Variants in MCM3AP observed in about 807,000 individuals in gnomAD.
MCM3AP encodes germinal-center associated nuclear protein.
A neutral mutation model predicts 184.1 loss-of-function variants in MCM3AP; 126 were observed. That is an observed-to-expected ratio of 0.68 (90% CI 0.59 to 0.79). The LOEUF is 0.79. MCM3AP is among the 30% of genes least tolerant of loss of function. MCM3AP has a pLI of 0.00. For synonymous variants in MCM3AP, 1,002 were observed against 979.3 expected (o/e 1.02, Z -0.43); for missense variants, 2,496 against 2,479.2 (o/e 1.01, Z -0.14).
chr21:46,283,207 A>G (rs976769809), intron 2 of MCM3AP, among the ~76,000 whole-genome samples: 3 of 152,196 alleles, frequency 2.0e-5, no homozygotes, highest in Non-Finnish European at 2.9e-5. Context: ...CTACAAGCGT[A>G]AGCCACCACG....
rs760360843 is a variant in MCM3AP at position 46,267,069 on chromosome 21, A to G, written c.2702T>C (p.Leu901Pro). The G allele has an allele frequency of 6.2e-7, 1 of 1,614,034 alleles. No individual in the cohort carries two copies. The highest frequency in any genetic ancestry group is 8.5e-7 in the Non-Finnish European group (1 of 1,179,870). Residue 901 changes from leucine (L) to proline (P), a missense_variant, in exon 10 of 28, where the codon CTG becomes CCG. Transcript: ENST00000291688. ...VSTQRSTIFP[L>P]DGVVRMLLFR... is the part of the protein sequence containing the mutation. ...CAGCAGCATGCGCACCACACCATCC[A>G]GGGGAAAGATGGTAGATCGCTGTGT...
chr21:46,277,931 T>A (rs1246201757), intron 4 of MCM3AP, among the ~76,000 whole-genome samples: 1 of 152,158 alleles, frequency 6.6e-6, no homozygotes, highest in Non-Finnish European at 1.5e-5. Flanking sequence ...TTTTGAAATA[T>A]TTCATACTTT....
chr21:46,251,980 C>T (rs915706207), intron 19 of MCM3AP: 6 of 224,430 alleles, frequency 2.7e-5, no homozygotes, highest in African/African-American at 4.6e-5. Flanking sequence ...GCAAACCTGC[C>T]TCAGTAGCTG....
At chr21:46,255,922 C>T (rs2080942936) in intron 17 of MCM3AP, among the ~76,000 whole-genome samples, 1 of 152,122 alleles carries the variant, frequency 6.6e-6, no homozygotes, top group African/African-American at 2.4e-5. Context: ...GGAGCCAGGC[C>T]CAGCCCTGGC....
intron 24 of MCM3AP, among the ~76,000 whole-genome samples, chr21:46,243,248 G>A (rs1424575407): frequency 6.6e-6 from 1 of 152,120 alleles, no homozygotes; most frequent in Admixed American, 6.5e-5. Flanking sequence ...GCCATCCTAG[G>A]GGGCCTGTTT....
Position 46,251,670 on chromosome 21 carries a change from A to G in MCM3AP, c.4149T>C (p.Asn1383=), listed in dbSNP as rs2080870506. ...SPESCGRILA[N]WLKVKFMGDE... ...CTCCCATGAACTTGACTTTTAACCA[A>G]TTTGCTAGAATTCTACAGATTTAAA... Residue 1383 remains asparagine (N), a synonymous_variant, in exon 20 of 28, where the codon AAT becomes AAC. Transcript: ENST00000291688. 1 of 1,581,016 alleles carries G rather than the reference A, an allele frequency of 6.3e-7. No homozygotes were observed.
intron 19 of MCM3AP, 75 bp downstream of exon 19, chr21:46,254,317 A>T: frequency 1.3e-6 from 2 of 1,546,284 alleles, no homozygotes; most frequent in Non-Finnish European, 1.8e-6. Context: ...TAAGAGGAAT[A>T]CCCGGCCCTG....
At chr21:46,264,248 A>G in intron 12 of MCM3AP, 31 bp from the exon 13 acceptor site, 1 of 1,401,324 alleles carries the variant, frequency 7.1e-7, no homozygotes. Context: ...GGTGTAATGG[A>G]ACGTCCCACC....
intron 9 of MCM3AP, among the ~76,000 whole-genome samples, chr21:46,269,753 C>T (rs116500995): frequency 2.0e-5 from 3 of 152,198 alleles, no homozygotes; most frequent in East Asian, 1.9e-4. Flanking sequence ...GGTGAGGTGG[C>T]GCTCTGTGCG....
chr21:46,270,272 G>A (rs2081163226), intron 9 of MCM3AP, 129 bp downstream of exon 9: 7 of 841,256 alleles, frequency 8.3e-6, no homozygotes, highest in Non-Finnish European at 1.1e-5. Context: ...CCCCTTCGTG[G>A]GGCTGCTGCA....
Position 46,235,304 on chromosome 21 carries a change from G to A in MCM3AP, c.5907C>T (p.Leu1969=). 6.2e-7 allele frequency: 1 copy of A among 1,614,194 alleles called. No homozygotes were observed. Among genetic ancestry groups the A allele is most frequent in the Non-Finnish European group, 8.5e-7 (1 of 1,180,040 alleles). ...CCATGTCTAGCAGCGCAGAGAGATG[G>A]AGCTCAGAGGCAACTTCCTCTTCCC... is the stretch of plus-strand genomic sequence containing the variant. ...SSREEEVASE[L]HLSALLDMVD... is the part of the protein sequence containing the mutation. Residue 1969 remains leucine (L), a synonymous_variant, in exon 28 of 28, where the codon CTC becomes CTT. Transcript: ENST00000291688.
rs1203658699 is a variant in MCM3AP at position 46,280,494 on chromosome 21, C to G, written c.1522+3G>C. 1 of 1,593,822 alleles carries G rather than the reference C, an allele frequency of 6.3e-7. No homozygotes were observed. Among genetic ancestry groups the G allele is most frequent in the Admixed American group, 1.7e-5 (1 of 58,382 alleles). On this transcript the variant is annotated splice_donor_region_variant and intron_variant, in intron 3 of 27. Coordinates refer to ENST00000291688, the MANE Select transcript of MCM3AP (RefSeq NM_003906.5). ...AAAGTGAAAAGAATAATTGAAAACT[C>G]ACTTATTTTCTTCCTGTGCCAAAAG... is the stretch of plus-strand genomic sequence containing the variant.
chr21:46,272,557 T>C lies in MCM3AP; in HGVS notation c.2465+4A>G. ...TAGGACAACTTTTGGATGTGAAAATTCACCTTAGGATGTCTCCCTTGTTGA... is the reference window on the plus strand; with the variant it reads ...TAGGACAACTTTTGGATGTGAAAATCCACCTTAGGATGTCTCCCTTGTTGA... On this transcript the variant is annotated splice_donor_region_variant and intron_variant, in intron 8 of 27. Transcript: ENST00000291688. 6.2e-7 allele frequency: 1 copy of C among 1,610,218 alleles called. No homozygotes were observed. Among genetic ancestry groups the C allele is most frequent in the Non-Finnish European group, 8.5e-7 (1 of 1,177,678 alleles).
chr21:46,261,530 C>T, intron 13 of MCM3AP, 119 bp from the exon 14 acceptor site: 1 of 856,390 alleles, frequency 1.2e-6, no homozygotes, highest in Admixed American at 2.1e-5. Context: ...GTCAGAAGAT[C>T]AAGACCATTC....
chr21:46,260,826 T>C lies in MCM3AP; in HGVS notation c.3548A>G (p.Glu1183Gly). The C allele has an allele frequency of 6.2e-7, 1 of 1,614,046 alleles. No individual in the cohort carries two copies. ...CTGGGAGCAGGTTTCCCTCACAAACTCCATCATCACGCGTTCCATCAGCTC... is the reference window on the plus strand; with the variant it reads ...CTGGGAGCAGGTTTCCCTCACAAACCCCATCATCACGCGTTCCATCAGCTC... ...AVELMERVMM[E>G]FVRETCSQEL... The change falls in exon 15 of 28, where the codon GAG becomes GGG. Residue 1183 changes from glutamate (E) to glycine (G), a missense_variant. Around this residue, in one of 5 missense-constraint regions of MCM3AP, gnomAD observed 1,323 missense variants for 1,273.4 expected, o/e 1.04. Transcript: ENST00000291688.
At chr21:46,238,481 G>A (rs1047080544) in intron 26 of MCM3AP, among the ~76,000 whole-genome samples, 2 of 120,594 alleles carry the variant, frequency 1.7e-5, no homozygotes, top group African/African-American at 6.7e-5. Context: ...GCCAAGGCAG[G>A]TGGATCACCT....
chr21:46,261,053 C>T, intron 14 of MCM3AP, 147 bp from the exon 15 acceptor site: 1 of 817,688 alleles, frequency 1.2e-6, no homozygotes, highest in Non-Finnish European at 2.0e-6. Context: ...CTGACACCAC[C>T]TCCCTTCCCC....
In MCM3AP at chr21:46,265,500, C is replaced by T; in HGVS notation, c.3055G>A (p.Gly1019Ser). Reference protein sequence around the residue: ...TVGGGRGEECGVEPDAPLSSL... With the variant: ...TVGGGRGEECSVEPDAPLSSL... Reference sequence around the variant, plus strand: ...GACAGGGGTGCATCCGGCTCTACACCACACTCCTCTCCTCTCCCTCCGCCT... The same window carrying T: ...GACAGGGGTGCATCCGGCTCTACACTACACTCCTCTCCTCTCCCTCCGCCT... Residue 1019 changes from glycine to serine, a missense_variant, in exon 12 of 28, where the codon GGT becomes AGT. Gly to Ser is a moderately conservative substitution (Grantham distance 56). This residue lies in a region of MCM3AP where 1,323 missense variants were observed against 1,273.4 expected (regional missense o/e 1.04). Coordinates refer to ENST00000291688, the MANE Select transcript of MCM3AP (RefSeq NM_003906.5). 6.2e-7 allele frequency: 1 copy of T among 1,606,880 alleles called. No individual in the cohort carries two copies. Among genetic ancestry groups the T allele is most frequent in the Non-Finnish European group, 8.5e-7 (1 of 1,176,134 alleles).
intron 15 of MCM3AP, among the ~76,000 whole-genome samples, chr21:46,259,836 C>T (rs1359655598): frequency 2.0e-5 from 3 of 146,828 alleles, no homozygotes; most frequent in Non-Finnish European, 4.4e-5. Context: ...ACCCGGGAGG[C>T]GGAGCTTGCA....
Sources: gnomAD v4.1 joint callset for allele counts (sites outside exome capture counted in the v4.1 genomes callset) on GRCh38, gnomAD v4.1.1 for gene constraint, gnomAD v4.1.1 regional missense constraint, MANE v1.5 for transcripts, NCBI Gene and HGNC (gene_info 2026-07-23, HGNC 2026-07-21) for gene names.